GRM1: variants seen among roughly 807,000 people sequenced by gnomAD.
GRM1 encodes metabotropic glutamate receptor 1.
Under a neutral mutation model 90.9 loss-of-function variants are expected in GRM1, and 33 were observed. The ratio of observed to expected loss-of-function variants is 0.36; its 90% CI spans 0.28 to 0.49. The LOEUF is 0.49. GRM1 is among the 20% of genes least tolerant of loss of function. GRM1 has a pLI of 0.99. For missense variants in GRM1, 1,190 were observed against 1,534.3 expected, an observed-to-expected ratio of 0.78 and a Z score of 3.75; for synonymous variants, 700 against 613.2, an observed-to-expected ratio of 1.14 and a Z score of -2.09.
chr6:146,134,803 C>T (rs1208961796), intron 1 of GRM1, among the ~76,000 whole-genome samples: 2 of 152,194 alleles, frequency 1.3e-5, no homozygotes, highest in East Asian at 1.9e-4. Flanking sequence ...TGGTGGCAGG[C>T]GCCTGTAGTC....
intron 2 of GRM1, among the ~76,000 whole-genome samples, chr6:146,266,773 G>A (rs945058188): frequency 3.3e-5 from 5 of 152,252 alleles, no homozygotes; most frequent in African/African-American, 1.2e-4. Context: ...AACTCTGCTA[G>A]TATCACCACC....
rs538838255 is a variant in GRM1 at position 146,395,670 on chromosome 6, T to A, written c.1730-3099T>A. ...GTATTCATGAAGTTTAGGAAAATTA[T>A]TAACTATAGGTCTTAATTTGGCTTT... On this transcript the variant is annotated intron_variant, in intron 6 of 7. Coordinates refer to ENST00000282753, the MANE Select transcript of GRM1 (RefSeq NM_001278064.2). 2.0e-5 allele frequency among the ~76,000 whole-genome samples: 3 copies of A among 152,288 alleles called. No individual in the cohort carries two copies. The South Asian group carries it at 6.2e-4, about 32-fold the overall frequency.
chr6:146,051,164 T>G (rs555275012), intron 1 of GRM1, among the ~76,000 whole-genome samples: 1 of 152,180 alleles, frequency 6.6e-6, no homozygotes, highest in South Asian at 2.1e-4. Context: ...GGTGAGTCAC[T>G]GAGACTCTCT....
In GRM1 at chr6:146,045,105, T is replaced by C. The variant is rs139794671; in HGVS notation, c.700+14888T>C. 2.4e-3 allele frequency among the ~76,000 whole-genome samples: 361 copies of C among 152,116 alleles called. 2 individuals are homozygous for C. The highest frequency in any genetic ancestry group is 8.4e-3 in the African/African-American group (348 of 41,536). On this transcript the variant is annotated intron_variant, in intron 1 of 7. Coordinates refer to ENST00000282753, the MANE Select transcript of GRM1 (RefSeq NM_001278064.2). ...ACAGTGTATTGTAGATGCTTTCCCA[T>C]ACATTTATGAATTATTTCCTGCAAA...
At chr6:146,376,800 G>A (rs1293554696) in intron 5 of GRM1, among the ~76,000 whole-genome samples, 1 of 152,052 alleles carries the variant, frequency 6.6e-6, no homozygotes, top group African/African-American at 2.4e-5. Flanking sequence ...GATATGGTTT[G>A]GCTGTGTCCA....
intron 3 of GRM1, chr6:146,340,500 G>C (rs988872481): frequency 6.6e-6 from 1 of 152,276 alleles, no homozygotes; most frequent in East Asian, 1.9e-4. Flanking sequence ...GTTAGTACTT[G>C]GATGAGAGAA....
At chr6:146,354,208 A>G (rs1271894176) in intron 4 of GRM1, among the ~76,000 whole-genome samples, 1 of 152,234 alleles carries the variant, frequency 6.6e-6, no homozygotes, top group Non-Finnish European at 1.5e-5. Flanking sequence ...GGTAGATGGA[A>G]TGATTCAGGA....
chr6:146,200,596 A>G (rs1779267725), intron 2 of GRM1, among the ~76,000 whole-genome samples: 1 of 151,838 alleles, frequency 6.6e-6, no homozygotes. Flanking sequence ...TCCAAACTCT[A>G]TTTTTCCATC....
chr6:146,123,585 G>T (rs1776085663), intron 1 of GRM1, among the ~76,000 whole-genome samples: 1 of 152,162 alleles, frequency 6.6e-6, no homozygotes, highest in African/African-American at 2.4e-5. Context: ...GATACAATCA[G>T]CAGTACAGCA....
intron 5 of GRM1, among the ~76,000 whole-genome samples, chr6:146,375,883 A>C (rs1215338294): frequency 1.3e-5 from 2 of 152,094 alleles, no homozygotes; most frequent in Non-Finnish European, 2.9e-5. Flanking sequence ...ATTGATAAAT[A>C]AGGACTTATT....
At chr6:146,133,967 TCTTATCCTCAAAATC>T (rs1776509571) in intron 1 of GRM1, among the ~76,000 whole-genome samples, 1 of 152,262 alleles carries the variant, frequency 6.6e-6, no homozygotes, top group Non-Finnish European at 1.5e-5. Flanking sequence ...CATATGTAAG[TCTTATCCTCAAAATC>T]CTGGCCTGTG....
chr6:146,437,072 G>A lies in GRM1; in HGVS notation c.*2276G>A, dbSNP rs1359166393. 1 of 152,146 alleles carries A rather than the reference G, an allele frequency of 6.6e-6. No homozygotes were observed. Among genetic ancestry groups the A allele is most frequent in the Non-Finnish European group, 1.5e-5 (1 of 68,010 alleles). The allele number at this position is 152,146 out of a possible 1,614,324, so 9.4% of individuals were successfully genotyped here. A position where few individuals can be genotyped will look rare whatever the true frequency, so the allele number is the denominator to read the frequency against. On this transcript the variant is annotated 3_prime_UTR_variant, in exon 8 of 8. Transcript: ENST00000282753. ...CATGTTTTCATTGTAAGAAAGCAGA[G>A]AGCGGAAAATCAATGGCTCCAGTGA...
Position 146,310,275 on chromosome 6 carries a change from T to G in GRM1, c.1186+5429T>G, listed in dbSNP as rs180902819. ...TATTTGCCTTATTAGGTTTCAAATTTTATGGACTCCACTTGGAATTAACTT... is the reference window on the plus strand; with the variant it reads ...TATTTGCCTTATTAGGTTTCAAATTGTATGGACTCCACTTGGAATTAACTT... On this transcript the variant is annotated intron_variant, in intron 3 of 7. Coordinates refer to ENST00000282753, the MANE Select transcript of GRM1 (RefSeq NM_001278064.2). 4.9e-3 allele frequency among the ~76,000 whole-genome samples: 740 copies of G among 152,320 alleles called. 7 individuals carry two copies. The highest frequency in any genetic ancestry group is 0.017 in the African/African-American group (691 of 41,570).
intron 2 of GRM1, among the ~76,000 whole-genome samples, chr6:146,251,310 G>C (rs533656478): frequency 1.6e-4 from 24 of 152,202 alleles, no homozygotes; most frequent in African/African-American, 5.5e-4. Flanking sequence ...AGTTCCTAAA[G>C]CTTCATCAGA....
intron 7 of GRM1, chr6:146,426,598 G>A (rs375204169): frequency 2.7e-4 from 430 of 1,608,944 alleles, no homozygotes; most frequent in Admixed American, 3.7e-4. Flanking sequence ...GCCAATGTCC[G>A]TCGGCACATG....
intron 7 of GRM1, among the ~76,000 whole-genome samples, chr6:146,415,873 T>C (rs1352184763): frequency 6.6e-6 from 1 of 152,196 alleles, no homozygotes; most frequent in East Asian, 1.9e-4. Context: ...GATTATATTT[T>C]TCTATGTTAC....
At chr6:146,181,031 G>A (rs371576424) in intron 2 of GRM1, among the ~76,000 whole-genome samples, 6 of 152,222 alleles carry the variant, frequency 3.9e-5, no homozygotes, top group South Asian at 2.1e-4. Context: ...GAGAAATTCT[G>A]CTGAGGAGAA....
At chr6:146,099,622 T>C (rs893011070) in intron 1 of GRM1, among the ~76,000 whole-genome samples, 1 of 152,198 alleles carries the variant, frequency 6.6e-6, no homozygotes, top group African/African-American at 2.4e-5. Context: ...AATTTTTCTG[T>C]TTTTGAACTT....
At chr6:146,363,906 C>T (rs1775584277) in intron 5 of GRM1, among the ~76,000 whole-genome samples, 1 of 152,192 alleles carries the variant, frequency 6.6e-6, no homozygotes. Context: ...AGAGCTACCA[C>T]TCAAAAGATA....
Sources: gnomAD v4.1 joint callset for allele counts (sites outside exome capture counted in the v4.1 genomes callset) on GRCh38, gnomAD v4.1.1 for gene constraint, MANE v1.5 for transcripts, NCBI Gene and HGNC (gene_info 2026-07-23, HGNC 2026-07-21) for gene names.